Variants in SLC35F4 observed in about 807,000 individuals in gnomAD.
SLC35F4 encodes solute carrier family 35 member F4.
A neutral mutation model predicts 44.2 loss-of-function variants in SLC35F4; 24 were observed. The observed-to-expected ratio is 0.54, with a 90% CI of 0.39 to 0.76. SLC35F4 has a LOEUF of 0.76. Among genes scored for constraint, SLC35F4 ranks in the 30% least tolerant of loss-of-function variants. The probability of loss-of-function intolerance (pLI) is 0.00; values close to 1 mark genes in which losing one functional copy is unlikely to be tolerated. For synonymous variants in SLC35F4, 238 were observed against 223.6 expected (o/e 1.06, Z -0.57); for missense variants, 562 against 586.1 (o/e 0.96, Z 0.42).
intron 1 of SLC35F4, among the ~76,000 whole-genome samples, chr14:57,653,814 C>G (rs1378766537): frequency 6.6e-6 from 1 of 152,130 alleles, no homozygotes; most frequent in Non-Finnish European, 1.5e-5. Context: ...AACAAAGCAC[C>G]ATAAACGGAG....
chr14:57,693,734 T>A (rs1036138193), intron 1 of SLC35F4, among the ~76,000 whole-genome samples: 1 of 152,202 alleles, frequency 6.6e-6, no homozygotes, highest in Admixed American at 6.6e-5. Flanking sequence ...TCTGTGTGTG[T>A]GTCTTTAATT....
At chr14:57,974,487 A>C (rs936425097), downstream of SLC35F4, among the ~76,000 whole-genome samples, 3 of 152,180 alleles carry the variant, frequency 2.0e-5, no homozygotes, top group Admixed American at 6.5e-5. Context: ...GCCCTCTTTA[A>C]TCTACCATAG....
chr14:57,629,843 G>A (rs960867323), intron 1 of SLC35F4: 10 of 333,408 alleles, frequency 3.0e-5, no homozygotes, highest in East Asian at 2.3e-4. Flanking sequence ...ATCGGCAGCC[G>A]GAGATGCAGA....
intron 1 of SLC35F4, among the ~76,000 whole-genome samples, chr14:57,706,419 T>C (rs1351097638): frequency 6.6e-6 from 1 of 152,174 alleles, no homozygotes; most frequent in African/African-American, 2.4e-5. Context: ...TACAGGTTTA[T>C]TGAAGGTGGC....
chr14:57,838,807 A>C (rs192438553), intron 1 of SLC35F4, among the ~76,000 whole-genome samples: 60 of 152,332 alleles, frequency 3.9e-4, no homozygotes, highest in Admixed American at 3.1e-3. Context: ...GAGGTAAAGA[A>C]TATTTGTAAA....
At chr14:57,774,973 C>A (rs2077453425) in intron 1 of SLC35F4, among the ~76,000 whole-genome samples, 1 of 152,166 alleles carries the variant, frequency 6.6e-6, no homozygotes, top group African/African-American at 2.4e-5. Context: ...GTCATTGGAA[C>A]CTTATCAGAC....
chr14:57,643,790 C>A (rs776937779), intron 1 of SLC35F4, among the ~76,000 whole-genome samples: 1 of 152,040 alleles, frequency 6.6e-6, no homozygotes, highest in Non-Finnish European at 1.5e-5. Flanking sequence ...ACAACAGGCC[C>A]GGGTGTGTGA....
At chr14:57,653,553 C>T (rs1754316540) in intron 1 of SLC35F4, among the ~76,000 whole-genome samples, 1 of 152,190 alleles carries the variant, frequency 6.6e-6, no homozygotes, top group South Asian at 2.1e-4. Context: ...AGCAGTTCAG[C>T]TCTGGGTCTT....
intron 1 of SLC35F4, among the ~76,000 whole-genome samples, chr14:57,723,034 G>A (rs2076121570): frequency 6.6e-6 from 1 of 152,166 alleles, no homozygotes; most frequent in Non-Finnish European, 1.5e-5. Context: ...TGGGGAAAAG[G>A]GAAATGCAGA....
At chr14:57,587,660 A>C (rs899506089) in intron 3 of SLC35F4, among the ~76,000 whole-genome samples, 1 of 152,118 alleles carries the variant, frequency 6.6e-6, no homozygotes, top group Non-Finnish European at 1.5e-5. Context: ...ACTGGGAGAA[A>C]TACCTAATGT....
Position 57,607,722 on chromosome 14 carries a change from C to T in SLC35F4, c.104-13598G>A, listed in dbSNP as rs150636758. ...GAAGATCACTGTGTAACGTGGAGAA[C>T]GGACTGAGAGGAAGTAAAACTTGAG... is the stretch of plus-strand genomic sequence containing the variant. On this transcript the variant is annotated intron_variant, in intron 1 of 7. Coordinates refer to ENST00000556826, the MANE Select transcript of SLC35F4 (RefSeq NM_001306087.2). Among the ~76,000 whole-genome samples the T allele has an allele frequency of 8.3e-3, 1,268 of 152,182 alleles. 14 individuals carry two copies. Among genetic ancestry groups the T allele is most frequent in the Non-Finnish European group, 0.012 (838 of 68,014 alleles).
intron 1 of SLC35F4, among the ~76,000 whole-genome samples, chr14:57,838,212 G>A (rs1885130354): frequency 6.6e-6 from 1 of 152,184 alleles, no homozygotes; most frequent in Admixed American, 6.5e-5. Context: ...CTCTTCCTGG[G>A]CAGGTTTTGG....
chr14:57,860,548 T>C (rs1229138626), intron 1 of SLC35F4, among the ~76,000 whole-genome samples: 1 of 152,118 alleles, frequency 6.6e-6, no homozygotes, highest in Non-Finnish European at 1.5e-5. Flanking sequence ...TCAGAGCCAG[T>C]TGCTGGCAGG....
At chr14:57,929,548 T>C (rs1181783320) in intron 1 of SLC35F4, among the ~76,000 whole-genome samples, 3 of 152,136 alleles carry the variant, frequency 2.0e-5, no homozygotes, top group African/African-American at 7.2e-5. Flanking sequence ...CCCTCACTTT[T>C]GTATCTAACC....
intron 1 of SLC35F4, among the ~76,000 whole-genome samples, chr14:57,748,288 AG>A (rs2076805439): frequency 6.6e-6 from 1 of 152,262 alleles, no homozygotes; most frequent in South Asian, 2.1e-4. Context: ...TTGACAATCC[AG>A]ATGGTGTGTA....
intron 3 of SLC35F4, among the ~76,000 whole-genome samples, chr14:57,584,583 C>A (rs767034418): frequency 9.9e-5 from 15 of 152,070 alleles, no homozygotes; most frequent in African/African-American, 3.4e-4. Context: ...GTATTTTCTG[C>A]TTGACAATAA....
intron 1 of SLC35F4, among the ~76,000 whole-genome samples, chr14:57,828,747 C>A (rs1884050376): frequency 6.6e-6 from 1 of 152,146 alleles, no homozygotes; most frequent in African/African-American, 2.4e-5. Context: ...ACTGTTCTTT[C>A]AGAAAACAGC....
chr14:57,597,098 G>A (rs2139950157), intron 1 of SLC35F4, among the ~76,000 whole-genome samples: 1 of 152,274 alleles, frequency 6.6e-6, no homozygotes, highest in East Asian at 1.9e-4. Flanking sequence ...AACATCGTCT[G>A]GGATGTAGTC....
At chr14:57,810,987 G>A (rs1474514633) in intron 1 of SLC35F4, among the ~76,000 whole-genome samples, 1 of 152,158 alleles carries the variant, frequency 6.6e-6, no homozygotes, top group Non-Finnish European at 1.5e-5. Context: ...CCCAGTTTTT[G>A]AGACAATAAA....
Sources: gnomAD v4.1 joint callset for allele counts (sites outside exome capture counted in the v4.1 genomes callset) on GRCh38, gnomAD v4.1.1 for gene constraint, MANE v1.5 for transcripts, NCBI Gene and HGNC (gene_info 2026-07-23, HGNC 2026-07-21) for gene names.